ABHD2: variants seen among roughly 807,000 people sequenced by gnomAD.
ABHD2 encodes the protein monoacylglycerol lipase ABHD2.
Under a neutral mutation model 48.1 loss-of-function variants are expected in ABHD2, and 20 were observed. That is an observed-to-expected ratio of 0.42 (90% CI 0.29 to 0.60). The LOEUF is 0.60. ABHD2 is among the 20% of genes least tolerant of loss of function. The pLI is 0.24. For missense variants in ABHD2, 405 were observed against 550.9 expected, an observed-to-expected ratio of 0.74 and a Z score of 2.65; for synonymous variants, 209 against 214.2, an observed-to-expected ratio of 0.98 and a Z score of 0.21.
chr15:89,183,334 T>G (rs1238357236), intron 6 of ABHD2: 2 of 144,452 alleles, frequency 1.4e-5, no homozygotes, highest in African/African-American at 2.5e-5. Flanking sequence ...CCTTTCAGTT[T>G]GCTGTTGTTG....
intron 5 of ABHD2, among the ~76,000 whole-genome samples, chr15:89,157,706 G>T (rs942711586): frequency 6.6e-6 from 1 of 152,052 alleles, no homozygotes; most frequent in Admixed American, 6.6e-5. Context: ...AGCCGGGCGT[G>T]GTGGCGGGCA....
intron 3 of ABHD2, among the ~76,000 whole-genome samples, chr15:89,129,485 G>A (rs972572207): frequency 1.3e-5 from 2 of 152,142 alleles, no homozygotes; most frequent in African/African-American, 4.8e-5. Context: ...AGCAACCAAA[G>A]AAGTGAGTCA....
chr15:89,042,729 C>T, the ABHD2 span, among the ~76,000 whole-genome samples: 2 of 152,090 alleles, frequency 1.3e-5, no homozygotes, highest in South Asian at 2.1e-4. Flanking sequence ...TCACTCTAGC[C>T]TCTGCCTCCC....
chr15:89,069,053 G>A, the ABHD2 span, among the ~76,000 whole-genome samples: 1 of 151,132 alleles, frequency 6.6e-6, no homozygotes, highest in Non-Finnish European at 1.5e-5. Flanking sequence ...AACAGCACAT[G>A]GACAGAAGAT....
chr15:89,153,448 T>C (rs576044168), intron 4 of ABHD2, among the ~76,000 whole-genome samples: 3 of 152,348 alleles, frequency 2.0e-5, no homozygotes, highest in Middle Eastern at 6.8e-3. Flanking sequence ...TTCCCTTATT[T>C]CTAATGCTTT....
chr15:89,154,299 T>TA (rs1172781338), intron 4 of ABHD2, among the ~76,000 whole-genome samples: 1 of 152,248 alleles, frequency 6.6e-6, no homozygotes, highest in Non-Finnish European at 1.5e-5. Context: ...AATTGCTTAC[T>TA]AATTCACATT....
At chr15:89,161,305 C>A (rs2050758313) in intron 5 of ABHD2, among the ~76,000 whole-genome samples, 1 of 152,174 alleles carries the variant, frequency 6.6e-6, no homozygotes, top group South Asian at 2.1e-4. Flanking sequence ...ACCCTTTACC[C>A]AACCTCAACA....
chr15:89,188,116 G>C lies in ABHD2; in HGVS notation c.816-77G>C, dbSNP rs2239288. On this transcript the variant is annotated intron_variant, in intron 7 of 10. Coordinates refer to ENST00000352732, the MANE Select transcript of ABHD2 (RefSeq NM_152924.5). This position sits in a 1 kb window ranked among gnomAD's most constrained non-coding sequence, Gnocchi z 4.1. The stretch of plus-strand genomic sequence containing the variant: ...CGTTGGCTCTCCCTCCTGGCTTGCT[G>C]TGGCAAGGAAGCAGGCTATGCCATG... 0.4 allele frequency: 517,068 copies of C among 1,305,808 alleles called. 105,106 individuals carry two copies. Among genetic ancestry groups the C allele is most frequent in the Non-Finnish European group, 0.41 (375,804 of 908,564 alleles). The allele number at this position is 1,305,808 out of a possible 1,614,324, so 80.9% of individuals were successfully genotyped here. A position where few individuals can be genotyped will look rare whatever the true frequency, so the allele number is the denominator to read the frequency against.
chr15:89,178,165 T>G lies in ABHD2; in HGVS notation c.722+2170T>G, dbSNP rs573839432. On this transcript the variant is annotated intron_variant, in intron 6 of 10. Transcript: ENST00000352732. ...CTTTATTGTCTGGAGCACAGAGAAC[T>G]AACTTGCCCAGGCTAAGATCATGTG... Among the ~76,000 whole-genome samples the G allele has an allele frequency of 1.2e-4, 18 of 152,300 alleles. No individual in the cohort carries two copies. In the South Asian group the frequency reaches 3.7e-3, roughly 32 times the overall value.
At chr15:89,130,627 G>A (rs2050204391) in intron 3 of ABHD2, among the ~76,000 whole-genome samples, 1 of 152,112 alleles carries the variant, frequency 6.6e-6, no homozygotes, top group Admixed American at 6.5e-5. Flanking sequence ...ACAAAATAAG[G>A]CAGGTTGGAC....
intron 5 of ABHD2, among the ~76,000 whole-genome samples, chr15:89,156,791 C>T (rs1273369421): frequency 6.6e-6 from 1 of 151,888 alleles, no homozygotes; most frequent in Non-Finnish European, 1.5e-5. Context: ...TTCTTATTAG[C>T]TCTCTCTTTA....
the ABHD2 span, among the ~76,000 whole-genome samples, chr15:89,055,812 G>A: frequency 2.6e-5 from 4 of 152,258 alleles, no homozygotes; most frequent in East Asian, 7.7e-4. Context: ...AAATGATCAT[G>A]ATATGTGGCT....
In ABHD2 at chr15:89,159,902, A is replaced by G. The variant is rs184065882; in HGVS notation, c.538+4368A>G. The stretch of plus-strand genomic sequence containing the variant: ...ATGGGTGTCTTCTTCTAGCCATACT[A>G]TTTGTTTTTTTGTGTGTATCAGTAC... On this transcript the variant is annotated intron_variant, in intron 5 of 10. Transcript: ENST00000352732. Among the ~76,000 whole-genome samples the G allele has an allele frequency of 3.8e-3, 574 of 152,198 alleles. 6 individuals carry two copies. The highest frequency in any genetic ancestry group is 0.013 in the African/African-American group (543 of 41,520).
the ABHD2 span, among the ~76,000 whole-genome samples, chr15:89,070,778 C>G: frequency 6.6e-6 from 1 of 152,126 alleles, no homozygotes; most frequent in African/African-American, 2.4e-5. Context: ...CTATGGACAT[C>G]TTGAAATTCC....
chr15:89,133,714 A>G (rs903105138), intron 3 of ABHD2, among the ~76,000 whole-genome samples: 1 of 151,850 alleles, frequency 6.6e-6, no homozygotes, highest in Non-Finnish European at 1.5e-5. Context: ...TTTCCTAATC[A>G]TTTGAGGGAG....
the ABHD2 span, among the ~76,000 whole-genome samples, chr15:89,048,631 T>G: frequency 1.3e-5 from 2 of 152,098 alleles, no homozygotes; most frequent in Non-Finnish European, 2.9e-5. Context: ...TTCCCTTCTC[T>G]CTTCATTTCA....
chr15:89,159,883 G>A (rs2050736010), intron 5 of ABHD2, among the ~76,000 whole-genome samples: 1 of 152,140 alleles, frequency 6.6e-6, no homozygotes, highest in Admixed American at 6.5e-5. Context: ...AAAAATGGGT[G>A]TCTTCTTCTA....
chr15:89,149,928 G>A (rs2050564347), intron 3 of ABHD2, among the ~76,000 whole-genome samples: 1 of 152,178 alleles, frequency 6.6e-6, no homozygotes, highest in Non-Finnish European at 1.5e-5. Flanking sequence ...AGTAGGTGGT[G>A]AGAGCAAGAC....
chr15:89,105,877 T>G (rs560413565), intron 1 of ABHD2, among the ~76,000 whole-genome samples: 20 of 152,078 alleles, frequency 1.3e-4, no homozygotes, highest in Middle Eastern at 6.8e-3. Context: ...TTTTTTCTTT[T>G]AAACAATAGA....
Sources: gnomAD v4.1 joint callset for allele counts (sites outside exome capture counted in the v4.1 genomes callset) on GRCh38, gnomAD v4.1.1 for gene constraint, Gnocchi (gnomAD v3.1) non-coding constraint, MANE v1.5 for transcripts, NCBI Gene and HGNC (gene_info 2026-07-23, HGNC 2026-07-21) for gene names.